Variants in XKR6 observed in about 807,000 individuals in gnomAD.
XKR6 encodes the protein XK-related protein 6.
In XKR6, 22 loss-of-function variants were observed where a neutral mutation model predicts 56.7. The observed-to-expected ratio is 0.39, with a 90% CI of 0.28 to 0.55. The LOEUF (loss-of-function observed/expected upper bound fraction) is 0.55. Among genes scored for constraint, XKR6 ranks in the 20% least tolerant of loss-of-function variants. XKR6 has a pLI of 0.66. For missense variants in XKR6, 852 were observed against 889.0 expected, an observed-to-expected ratio of 0.96 and a Z score of 0.53; for synonymous variants, 524 against 387.8, an observed-to-expected ratio of 1.35 and a Z score of -4.13.
intron 1 of XKR6, among the ~76,000 whole-genome samples, chr8:11,051,473 C>T (rs80037495): frequency 0.013 from 1,988 of 152,304 alleles, 32 homozygotes; most frequent in African/African-American, 0.033. Context: ...TAAGTTTTCC[C>T]CTCCAGGCCT....
chr8:11,033,501 AATG>A (rs1446852277), intron 1 of XKR6, among the ~76,000 whole-genome samples: 8 of 151,974 alleles, frequency 5.3e-5, no homozygotes, highest in African/African-American at 4.8e-5. Context: ...TGACTATGGT[AATG>A]ATGATGATGA....
At chr8:11,016,244 G>A (rs534982212) in intron 1 of XKR6, among the ~76,000 whole-genome samples, 223 of 152,334 alleles carry the variant, frequency 1.5e-3, no homozygotes, top group African/African-American at 4.6e-3. Flanking sequence ...TGACGCGGAG[G>A]TTGGCCGGGG....
intron 1 of XKR6, among the ~76,000 whole-genome samples, chr8:10,982,973 C>T (rs1797768848): frequency 6.6e-6 from 1 of 152,164 alleles, no homozygotes; most frequent in Non-Finnish European, 1.5e-5. Context: ...TTCTCTAAGC[C>T]TATTTTCTTA....
intron 1 of XKR6, among the ~76,000 whole-genome samples, chr8:11,129,916 G>A (rs1466988426): frequency 6.6e-6 from 1 of 152,030 alleles, no homozygotes; most frequent in Non-Finnish European, 1.5e-5. Flanking sequence ...TATAACAGGA[G>A]ATGAGGAAAA....
At chr8:11,165,588 A>ACTAGCAACTCTTTTT (rs1404335631) in intron 1 of XKR6, among the ~76,000 whole-genome samples, 1 of 152,206 alleles carries the variant, frequency 6.6e-6, no homozygotes, top group Non-Finnish European at 1.5e-5. Context: ...ATTATAATTT[A>ACTAGCAACTCTTTTT]CTAGCAACTC....
chr8:11,056,085 G>C (rs548940172), intron 1 of XKR6, among the ~76,000 whole-genome samples: 2 of 152,106 alleles, frequency 1.3e-5, no homozygotes, highest in Admixed American at 6.5e-5. Flanking sequence ...ATAGGAGGCC[G>C]TGGACGACGT....
intron 2 of XKR6, among the ~76,000 whole-genome samples, chr8:10,903,481 C>T (rs148993475): frequency 2.0e-4 from 31 of 152,224 alleles, no homozygotes; most frequent in Non-Finnish European, 3.5e-4. Context: ...TGAGAAGGGC[C>T]TGGGGAGGTA....
chr8:11,048,041 T>C (rs1201545204), intron 1 of XKR6, among the ~76,000 whole-genome samples: 2 of 152,148 alleles, frequency 1.3e-5, no homozygotes, highest in Non-Finnish European at 2.9e-5. Context: ...CAACCCTGAA[T>C]AGCTCCACCT....
intron 1 of XKR6, among the ~76,000 whole-genome samples, chr8:11,094,214 G>A (rs1271740877): frequency 6.6e-6 from 1 of 151,792 alleles, no homozygotes; most frequent in African/African-American, 2.4e-5. Context: ...CAAAGGAGCA[G>A]AGCCAAGTTG....
intron 1 of XKR6, among the ~76,000 whole-genome samples, chr8:11,083,712 A>G (rs1321524908): frequency 1.3e-5 from 2 of 152,214 alleles, no homozygotes; most frequent in Non-Finnish European, 2.9e-5. Context: ...TAAGTGTCCA[A>G]TAGGAAGGGA....
intron 1 of XKR6, among the ~76,000 whole-genome samples, chr8:11,035,939 C>G (rs1047724414): frequency 9.8e-6 from 1 of 101,610 alleles, no homozygotes; most frequent in Admixed American, 1.2e-4. Flanking sequence ...CTGTGAAAGT[C>G]TTTTTTTTTT....
intron 1 of XKR6, among the ~76,000 whole-genome samples, chr8:11,011,691 G>A (rs1226424565): frequency 6.6e-6 from 1 of 152,208 alleles, no homozygotes; most frequent in Non-Finnish European, 1.5e-5. Flanking sequence ...GGGAATGCCT[G>A]GGGACAGAGG....
At chr8:10,945,098 A>AC (rs1001488231) in intron 1 of XKR6, among the ~76,000 whole-genome samples, 5 of 151,836 alleles carry the variant, frequency 3.3e-5, no homozygotes, top group Non-Finnish European at 7.4e-5. Context: ...AACTGGCTCC[A>AC]CCCCACGCCA....
intron 1 of XKR6, among the ~76,000 whole-genome samples, chr8:11,169,424 A>G (rs1802251142): frequency 6.6e-6 from 1 of 152,112 alleles, no homozygotes; most frequent in Non-Finnish European, 1.5e-5. Flanking sequence ...TGTAGTAAAT[A>G]TCTACAGGAT....
chr8:11,020,151 G>C (rs972410571), intron 1 of XKR6, among the ~76,000 whole-genome samples: 1 of 152,132 alleles, frequency 6.6e-6, no homozygotes, highest in African/African-American at 2.4e-5. Flanking sequence ...TGGAGCATGG[G>C]GACTTACAGG....
intron 1 of XKR6, among the ~76,000 whole-genome samples, chr8:11,151,938 G>A (rs372970968): frequency 7.9e-5 from 12 of 152,016 alleles, no homozygotes; most frequent in Non-Finnish European, 1.3e-4. Flanking sequence ...AACAAGTCCC[G>A]TTCAAAAGGA....
At chr8:10,902,583 G>A (rs993553370) in intron 2 of XKR6, among the ~76,000 whole-genome samples, 2 of 152,198 alleles carry the variant, frequency 1.3e-5, no homozygotes, top group African/African-American at 4.8e-5. Flanking sequence ...TGTACTAAAG[G>A]TCATCAGCCT....
intron 2 of XKR6, among the ~76,000 whole-genome samples, chr8:10,909,257 A>G (rs1294411575): frequency 6.6e-6 from 1 of 151,944 alleles, no homozygotes; most frequent in African/African-American, 2.4e-5. Context: ...AGAGGCTCTC[A>G]CCAGATGCAG....
intron 1 of XKR6, among the ~76,000 whole-genome samples, chr8:11,002,086 C>CA (rs1318369205): frequency 6.9e-6 from 1 of 144,644 alleles, no homozygotes; most frequent in Non-Finnish European, 1.5e-5. Flanking sequence ...AAAAAACACA[C>CA]AAAAAACCTC....
Sources: gnomAD v4.1 joint callset for allele counts (sites outside exome capture counted in the v4.1 genomes callset) on GRCh38, gnomAD v4.1.1 for gene constraint, MANE v1.5 for transcripts, NCBI Gene and HGNC (gene_info 2026-07-23, HGNC 2026-07-21) for gene names.